TMEM132D: variants seen among roughly 807,000 people sequenced by gnomAD.
TMEM132D encodes the protein transmembrane protein 132D, also known as mature OL transmembrane protein.
Under a neutral mutation model 62.3 loss-of-function variants are expected in TMEM132D, and 21 were observed. The observed-to-expected ratio is 0.34, with a 90% CI of 0.24 to 0.49. The LOEUF is 0.49. TMEM132D is among the 20% of genes least tolerant of loss of function. TMEM132D has a pLI of 0.99. For missense variants in TMEM132D, 1,346 were observed against 1,402.8 expected (o/e 0.96, Z 0.65); for synonymous variants, 621 against 575.6 (o/e 1.08, Z -1.13).
At chr12:129,615,064 C>T (rs1878877683) in intron 2 of TMEM132D, among the ~76,000 whole-genome samples, 1 of 152,160 alleles carries the variant, frequency 6.6e-6, no homozygotes, top group Admixed American at 6.5e-5. Context: ...TGTTACCTAA[C>T]AGCGTATTAT....
At chr12:129,497,421 C>T (rs1303323713) in intron 3 of TMEM132D, among the ~76,000 whole-genome samples, 1 of 152,222 alleles carries the variant, frequency 6.6e-6, no homozygotes, top group African/African-American at 2.4e-5. Context: ...CCACCTCTTA[C>T]TGAGCACAGC....
At chr12:129,874,554 T>C (rs1196077417) in intron 1 of TMEM132D, among the ~76,000 whole-genome samples, 4 of 145,692 alleles carry the variant, frequency 2.7e-5, no homozygotes, top group Non-Finnish European at 6.0e-5. Context: ...TAAATATACA[T>C]AATTTTGTTT....
intron 2 of TMEM132D, among the ~76,000 whole-genome samples, chr12:129,639,382 TAAAAAAAAAAA>T (rs34476667): frequency 1.1e-5 from 1 of 90,470 alleles, no homozygotes; most frequent in Non-Finnish European, 2.1e-5. Flanking sequence ...GACTCTGTCT[TAAAAAAAAAAA>T]AAAAAAAAAA....
intron 2 of TMEM132D, among the ~76,000 whole-genome samples, chr12:129,660,145 C>CTCAAATTACTGTTGGTGATATT (rs1880198631): frequency 6.6e-6 from 1 of 152,008 alleles, no homozygotes; most frequent in African/African-American, 2.4e-5. Flanking sequence ...ATGGATGACT[C>CTCAAATTACTGTTGGTGATATT]ATGTATTGTA....
At chr12:129,727,833 G>A (rs1565964116) in intron 1 of TMEM132D, among the ~76,000 whole-genome samples, 1 of 150,556 alleles carries the variant, frequency 6.6e-6, no homozygotes, top group Non-Finnish European at 1.5e-5. Context: ...TTTGAATGAT[G>A]AAAAAAAAAT....
chr12:129,239,403 G>A (rs1879873508), intron 4 of TMEM132D, among the ~76,000 whole-genome samples: 1 of 152,136 alleles, frequency 6.6e-6, no homozygotes, highest in South Asian at 2.1e-4. Context: ...TAAGGTAAGG[G>A]CCCAACTTCA....
rs770803640 is a variant in TMEM132D at position 129,277,473 on chromosome 12, AT to A, written c.1299+60160del. Among the ~76,000 whole-genome samples, 1 of 152,360 alleles carries A rather than the reference AT, an allele frequency of 6.6e-6. No individual in the cohort carries two copies. Among genetic ancestry groups the A allele is most frequent in the Non-Finnish European group, 1.5e-5 (1 of 68,034 alleles). ...TGTCCAGTTTTGAATGCTTGTACAA[AT>A]GATTTTTAAAATTCTTTATCCCTTA... On this transcript the variant is annotated intron_variant, in intron 4 of 8. Coordinates refer to ENST00000422113, the MANE Select transcript of TMEM132D (RefSeq NM_133448.3). The surrounding 1 kb of genome is among the most constrained non-coding windows in gnomAD (Gnocchi z 4.2).
At chr12:129,398,655 G>T (rs1034757468) in intron 3 of TMEM132D, among the ~76,000 whole-genome samples, 2 of 152,208 alleles carry the variant, frequency 1.3e-5, no homozygotes, top group Admixed American at 1.3e-4. Flanking sequence ...AATTGTAATT[G>T]TAGTAAATAT....
chr12:129,312,049 A>G lies in TMEM132D; in HGVS notation c.1299+25585T>C, dbSNP rs368826380. On this transcript the variant is annotated intron_variant, in intron 4 of 8. Transcript: ENST00000422113. ...TTTGGAAAAGATCACCCTAGCTGCT[A>G]TAGAGGGAATGGACCAGGTAGTGGA... Among the ~76,000 whole-genome samples, 108 of 152,336 alleles carry G rather than the reference A, an allele frequency of 7.1e-4. 2 individuals carry two copies. The South Asian group carries it at 0.022, about 31-fold the overall frequency.
At chr12:129,106,298 GGAGATATACCTAATGCTAGATGAC>G (rs1875496439) in intron 5 of TMEM132D, among the ~76,000 whole-genome samples, 1 of 149,470 alleles carries the variant, frequency 6.7e-6, no homozygotes, top group Admixed American at 6.7e-5. Context: ...GATAGCATTG[GGAGATATACCTAATGCTAGATGAC>G]GAGTTAGTGG....
chr12:129,598,593 C>T (rs1878407516), intron 2 of TMEM132D, among the ~76,000 whole-genome samples: 1 of 152,042 alleles, frequency 6.6e-6, no homozygotes, highest in Admixed American at 6.6e-5. Flanking sequence ...GCCAAAGAAA[C>T]ACTATAGAAC....
chr12:129,837,811 C>G (rs190272778), intron 1 of TMEM132D, among the ~76,000 whole-genome samples: 1 of 151,958 alleles, frequency 6.6e-6, no homozygotes, highest in Non-Finnish European at 1.5e-5. Context: ...CCGGAGCCCA[C>G]GAAATATACA....
chr12:129,769,945 A>G (rs7963681), intron 1 of TMEM132D, among the ~76,000 whole-genome samples: 107,250 of 151,826 alleles, frequency 0.71, 38,432 homozygotes, highest in Middle Eastern at 0.82. Context: ...ATGCAGTGGT[A>G]TGACCAAAGC....
intron 5 of TMEM132D, among the ~76,000 whole-genome samples, chr12:129,163,254 TAA>T (rs1414368946): frequency 6.6e-6 from 1 of 152,258 alleles, no homozygotes; most frequent in East Asian, 1.9e-4. Context: ...CTAACAATGC[TAA>T]AACAGCTGCA....
At chr12:129,400,257 C>T (rs1277524023) in intron 3 of TMEM132D, among the ~76,000 whole-genome samples, 1 of 152,100 alleles carries the variant, frequency 6.6e-6, no homozygotes, top group Admixed American at 6.5e-5. Context: ...TATCCAGTCG[C>T]AGACACATTA....
At chr12:129,892,610 AT>A (rs910022963) in intron 1 of TMEM132D, among the ~76,000 whole-genome samples, 7 of 151,840 alleles carry the variant, frequency 4.6e-5, no homozygotes, top group African/African-American at 9.7e-5. Flanking sequence ...TAAAATTTGG[AT>A]TTTTTTCCCA....
chr12:129,441,154 C>T (rs1018084942), intron 3 of TMEM132D, among the ~76,000 whole-genome samples: 4 of 152,180 alleles, frequency 2.6e-5, no homozygotes, highest in Non-Finnish European at 5.9e-5. Flanking sequence ...CATGCACATA[C>T]CTGTATATAT....
At chr12:129,168,950 G>T (rs1428426433) in intron 5 of TMEM132D, among the ~76,000 whole-genome samples, 1 of 152,170 alleles carries the variant, frequency 6.6e-6, no homozygotes, top group African/African-American at 2.4e-5. Flanking sequence ...TTAGCTAGCG[G>T]CCGATAGAGG....
At chr12:129,898,067 C>T (rs1376891569) in intron 1 of TMEM132D, among the ~76,000 whole-genome samples, 1 of 152,212 alleles carries the variant, frequency 6.6e-6, no homozygotes, top group Admixed American at 6.5e-5. Flanking sequence ...TTGAGTTTAT[C>T]TGCAAATTCA....
Sources: allele counts gnomAD v4.1 joint callset (sites outside exome capture counted in the v4.1 genomes callset), GRCh38; gene constraint gnomAD v4.1.1; non-coding constraint Gnocchi (gnomAD v3.1); transcripts MANE v1.5; gene names NCBI Gene and HGNC (gene_info 2026-07-23, HGNC 2026-07-21).